The following TMEM64 variants were observed in gnomAD, a reference collection of about 807,000 sequenced individuals.
The protein encoded by TMEM64 is transmembrane protein 64.
A neutral mutation model predicts 24.5 loss-of-function variants in TMEM64; 19 were observed. The ratio of observed to expected loss-of-function variants is 0.78; its 90% CI spans 0.54 to 1.14. TMEM64 has a LOEUF of 1.14. TMEM64 is among the 50% of genes most tolerant of loss of function. The pLI, the probability that TMEM64 is intolerant of heterozygous loss-of-function variation, is 0.00. For missense variants in TMEM64, 487 were observed against 493.0 expected (o/e 0.99, Z 0.12); for synonymous variants, 262 against 224.7 (o/e 1.17, Z -1.49).
chr8:90,643,567 C>G (rs560018128), intron 1 of TMEM64, among the ~76,000 whole-genome samples: 2 of 152,206 alleles, frequency 1.3e-5, no homozygotes, highest in South Asian at 4.1e-4. Context: ...TGGAAAGAGC[C>G]GAGGACAGTA....
intron 1 of TMEM64, among the ~76,000 whole-genome samples, chr8:90,644,628 T>C (rs930790697): frequency 6.6e-6 from 1 of 152,224 alleles, no homozygotes; most frequent in African/African-American, 2.4e-5. Context: ...ATTTCAAATT[T>C]AGCAAACTCC....
chr8:90,635,156 G>C (rs1210052839), intron 1 of TMEM64, among the ~76,000 whole-genome samples: 1 of 152,098 alleles, frequency 6.6e-6, no homozygotes, highest in African/African-American at 2.4e-5. Flanking sequence ...GGCAGAATGG[G>C]GAGCATTGAG....
At chr8:90,626,625 C>CTTTTTTTTTTT (rs1223612676) in intron 2 of TMEM64, among the ~76,000 whole-genome samples, 5 of 112,514 alleles carry the variant, frequency 4.4e-5, no homozygotes, top group African/African-American at 2.2e-4. Context: ...CTTTTTTTTT[C>CTTTTTTTTTTT]TTTCTTTTTT....
rs574200611 is a variant in TMEM64 at position 90,623,975 on chromosome 8, G to A, written c.*1696C>T. On this transcript the variant is annotated 3_prime_UTR_variant, in exon 3 of 3. Transcript: ENST00000458549. ...GAAATGAGTAATTAGGATTCAAAAAGAATAAGGGTATTACAATACTATATC... is the reference window on the plus strand; with the variant it reads ...GAAATGAGTAATTAGGATTCAAAAAAAATAAGGGTATTACAATACTATATC... 2.0e-5 allele frequency: 3 copies of A among 151,652 alleles called. No individual in the cohort carries two copies. The highest frequency in any genetic ancestry group is 6.6e-5 in the Admixed American group (1 of 15,178). 9.4% of individuals were successfully genotyped at this position (151,652 alleles called of 1,614,324 possible). A position where few individuals can be genotyped will look rare whatever the true frequency, so the allele number is the denominator to read the frequency against.
chr8:90,631,477 A>T, intron 2 of TMEM64, 75 bp downstream of exon 2: 1 of 1,246,248 alleles, frequency 8.0e-7, no homozygotes, highest in Non-Finnish European at 1.1e-6. Context: ...TTTTCAATGA[A>T]ATCTGTCAAA....
In TMEM64 at chr8:90,645,485, G is replaced by T. The variant is rs1428147192; in HGVS notation, c.421C>A (p.Arg141Ser). The change falls in exon 1 of 3, where the codon CGC becomes AGC. Residue 141 changes from arginine to serine, a missense_variant. By Grantham distance (110) the Arg-to-Ser change is moderately radical. This residue lies in a region of TMEM64 where 419 missense variants were observed against 407.5 expected (regional missense o/e 1.03). Coordinates refer to ENST00000458549, the MANE Select transcript of TMEM64 (RefSeq NM_001008495.4). This position sits in a 1 kb window ranked among gnomAD's most constrained non-coding sequence, Gnocchi z 4.2. ...ALCFASLALV[R>S]RYLHHLLLWV... ...AGCAGGAGGTGGTGAAGGTAGCGGC[G>T]GACCAGGGCCAGGGAAGCGAAGCAC... The T allele has an allele frequency of 6.4e-7, 1 of 1,551,226 alleles. No homozygotes were observed. The highest frequency in any genetic ancestry group is 8.7e-7 in the Non-Finnish European group (1 of 1,147,006).
chr8:90,638,655 T>C (rs1031454111), intron 1 of TMEM64, among the ~76,000 whole-genome samples: 6 of 152,190 alleles, frequency 3.9e-5, no homozygotes, highest in African/African-American at 1.4e-4. Context: ...TTGCTAAATA[T>C]ATGTTTATTG....
At position 90,645,868 on chromosome 8, in the gene TMEM64, G is replaced by T; in HGVS notation, c.38C>A (p.Pro13His). 8.8e-7 allele frequency: 1 copy of T among 1,137,458 alleles called. No homozygotes were observed. Among genetic ancestry groups the T allele is most frequent in the Non-Finnish European group, 1.1e-6 (1 of 927,668 alleles). The allele number at this position is 1,137,458 out of a possible 1,614,324, so 70.5% of individuals were successfully genotyped here. Residue 13 changes from proline to histidine, a missense_variant, in exon 1 of 3, where the codon CCC (proline) becomes CAC (histidine). Coordinates refer to ENST00000458549, the MANE Select transcript of TMEM64 (RefSeq NM_001008495.4). The surrounding 1 kb of genome is among the most constrained non-coding windows in gnomAD (Gnocchi z 4.2). The part of the protein sequence containing the change: ...SPGGILLQAL[P>H]RLLQHAALPG... ...GAGGGCGGCGTGCTGCAGCAGCCGG[G>T]GCAGCGCCTGGAGCAGGATCCCGCC...
intron 1 of TMEM64, among the ~76,000 whole-genome samples, chr8:90,635,605 G>A (rs757126235): frequency 1.3e-5 from 2 of 152,058 alleles, no homozygotes; most frequent in Non-Finnish European, 2.9e-5. Flanking sequence ...CCTATACTCA[G>A]AGGAAAGGTA....
At chr8:90,635,893 A>T (rs1273082377) in intron 1 of TMEM64, among the ~76,000 whole-genome samples, 1 of 152,238 alleles carries the variant, frequency 6.6e-6, no homozygotes, top group Non-Finnish European at 1.5e-5. Flanking sequence ...AAATGTAATG[A>T]AGCTTCTCTA....
chr8:90,631,202 C>T (rs61509074), intron 2 of TMEM64, among the ~76,000 whole-genome samples: 2,299 of 152,228 alleles, frequency 0.015, 65 homozygotes, highest in African/African-American at 0.052. Context: ...CTCAACTCTG[C>T]CCAATCTTAC....
intron 2 of TMEM64, among the ~76,000 whole-genome samples, chr8:90,630,382 T>C (rs922271722): frequency 6.6e-6 from 1 of 152,184 alleles, no homozygotes; most frequent in Non-Finnish European, 1.5e-5. Context: ...GTTGAATCCA[T>C]GAATGTGGAA....
At chr8:90,644,978 A>G (rs1423611129) in intron 1 of TMEM64, 133 bp downstream of exon 1, 1 of 990,268 alleles carries the variant, frequency 1.0e-6, no homozygotes, top group Non-Finnish European at 1.5e-6. Flanking sequence ...GCTGCGATGG[A>G]AAGTAATCGT....
At chr8:90,638,750 T>C (rs745887720) in intron 1 of TMEM64, among the ~76,000 whole-genome samples, 2 of 152,192 alleles carry the variant, frequency 1.3e-5, no homozygotes, top group Admixed American at 6.5e-5. Flanking sequence ...CAAGTTGGAA[T>C]GCAATGTCCA....
chr8:90,641,792 T>A (rs1363755064), intron 1 of TMEM64, among the ~76,000 whole-genome samples: 2 of 152,196 alleles, frequency 1.3e-5, no homozygotes, highest in Non-Finnish European at 2.9e-5. Context: ...ATTTGTTAAA[T>A]TTTTTTAAAA....
chr8:90,637,634 A>T (rs528096369), intron 1 of TMEM64, among the ~76,000 whole-genome samples: 1 of 152,262 alleles, frequency 6.6e-6, no homozygotes, highest in Admixed American at 6.5e-5. Context: ...GAAAAAAATC[A>T]TGAATCCCTA....
chr8:90,632,564 C>T (rs1347923705), intron 1 of TMEM64, among the ~76,000 whole-genome samples: 3 of 152,028 alleles, frequency 2.0e-5, no homozygotes, highest in South Asian at 2.1e-4. Context: ...CCTTGTGATC[C>T]GCCTGCCTCA....
At chr8:90,635,367 C>CATTTTATTTTATTTTATTTTATTTT (rs540790616) in intron 1 of TMEM64, among the ~76,000 whole-genome samples, 23 of 149,322 alleles carry the variant, frequency 1.5e-4, no homozygotes, top group African/African-American at 4.8e-4. Flanking sequence ...GCTTCCAAAT[C>CATTTTATTTTATTTTATTTTATTTT]ATTTTATTTT....
At position 90,622,120 on chromosome 8, in the gene TMEM64, T is replaced by G. The variant is rs775304904; in HGVS notation, c.*3551A>C. On this transcript the variant is annotated 3_prime_UTR_variant, in exon 3 of 3. Transcript: ENST00000458549. ...AATCTTCAGCCACCTTAGAAAAAGTTTGCAGCAATCACTTTGCAATTCATA... is the reference window on the plus strand; with the variant it reads ...AATCTTCAGCCACCTTAGAAAAAGTGTGCAGCAATCACTTTGCAATTCATA... The G allele has an allele frequency of 1.3e-5, 2 of 152,210 alleles. No homozygotes were observed. Among genetic ancestry groups the G allele is most frequent in the Non-Finnish European group, 2.9e-5 (2 of 68,030 alleles). 9.4% of individuals were successfully genotyped at this position (152,210 alleles called of 1,614,324 possible).
Sources: gnomAD v4.1 joint callset for allele counts (sites outside exome capture counted in the v4.1 genomes callset) on GRCh38, gnomAD v4.1.1 for gene constraint, gnomAD v4.1.1 regional missense constraint, Gnocchi (gnomAD v3.1) non-coding constraint, MANE v1.5 for transcripts, NCBI Gene and HGNC (gene_info 2026-07-23, HGNC 2026-07-21) for gene names.